Variants in FANCG observed in about 807,000 individuals in gnomAD.
The protein encoded by FANCG is FA complementation group G.
In FANCG, 67 loss-of-function variants were observed where a neutral mutation model predicts 73.3. The ratio of observed to expected loss-of-function variants is 0.91; its 90% CI spans 0.75 to 1.12. The LOEUF (loss-of-function observed/expected upper bound fraction) is 1.12, where lower values mean the gene tolerates loss of function less well. Among genes scored for constraint, FANCG ranks in the 50% most tolerant of loss-of-function variants. The pLI is 0.00. For synonymous variants in FANCG, 297 were observed against 311.6 expected, an observed-to-expected ratio of 0.95 and a Z score of 0.49; for missense variants, 643 against 735.6, an observed-to-expected ratio of 0.87 and a Z score of 1.46.
In FANCG at chr9:35,076,366, G is replaced by C. The variant is rs1829083284; in HGVS notation, c.1076+66C>G. The stretch of plus-strand genomic sequence containing the variant: ...CCCCCAAGTCACAAGAACAAAAGCA[G>C]AGTCACACCCCAGGGGAGGCATCAG... On this transcript the variant is annotated intron_variant, in intron 8 of 13. Coordinates refer to ENST00000378643, the MANE Select transcript of FANCG (RefSeq NM_004629.2). The C allele has an allele frequency of 5.0e-6, 8 of 1,588,408 alleles. No individual in the cohort carries two copies. The East Asian group carries it at 1.8e-4, about 35-fold the overall frequency.
At position 35,074,532 on chromosome 9, in the gene FANCG, G is replaced by T. The variant is rs770689315; in HGVS notation, c.1637-38C>A. 4.4e-6 allele frequency: 7 copies of T among 1,604,344 alleles called. No individual in the cohort carries two copies. In the Admixed American group the frequency reaches 5.0e-5, roughly 11 times the overall value. On this transcript the variant is annotated intron_variant, in intron 12 of 13. Transcript: ENST00000378643. ...CCCAGAGTACAGAGTCTTAGAACTT[G>T]ACATAGTCTTAGGCATTGTTTTATA...
In FANCG at chr9:35,076,627, C is replaced by T. The variant is rs17883759; in HGVS notation, c.925-44G>A. The T allele has an allele frequency of 8.5e-4, 1,369 of 1,614,074 alleles. 15 individuals are homozygous for T. The South Asian group carries it at 0.014, about 16-fold the overall frequency. ...AATTGTATCTATAATCTTTGGGAGC[C>T]ATACTTCCTTATACTTGGATCTTGA... On this transcript the variant is annotated intron_variant, in intron 7 of 13. Coordinates refer to ENST00000378643, the MANE Select transcript of FANCG (RefSeq NM_004629.2).
At chr9:35,075,200 G>A in intron 11 of FANCG, 79 bp downstream of exon 11, 5 of 1,600,040 alleles carry the variant, frequency 3.1e-6, no homozygotes, top group Non-Finnish European at 4.3e-6. Flanking sequence ...CTCCTGGTGG[G>A]CTGGGACACA....
rs1829075516 is a variant in FANCG, at chr9:35,075,962, C to G, written c.1143G>C (p.Arg381Ser). ...LALLLDSSEPRFSPPPSPPGP... is the reference protein window; with the variant it reads ...LALLLDSSEPSFSPPPSPPGP... ...CAGAGAAGCTTGAAGACACACCCAC[C>G]CTTGGCTCCGAGCTATCCAGCAACA... Residue 381 changes from arginine to serine, a missense_variant and splice_region_variant, in exon 9 of 14, where the codon AGG (arginine) becomes AGC (serine). Coordinates refer to ENST00000378643, the MANE Select transcript of FANCG (RefSeq NM_004629.2). 7 of 1,614,136 alleles carry G rather than the reference C, an allele frequency of 4.3e-6. No individual in the cohort carries two copies. The highest frequency in any genetic ancestry group is 5.1e-6 in the Non-Finnish European group (6 of 1,180,002).
chr9:35,076,637 T>A, intron 7 of FANCG, 54 bp from the exon 8 acceptor site: 2 of 1,614,068 alleles, frequency 1.2e-6, no homozygotes, highest in Non-Finnish European at 8.5e-7. Context: ...CATACTTCCT[T>A]ATACTTGGAT....
At chr9:35,076,370 C>A in intron 8 of FANCG, 62 bp downstream of exon 8, 2 of 1,597,696 alleles carry the variant, frequency 1.3e-6, no homozygotes, top group South Asian at 2.2e-5. Context: ...AAAGCAGAGT[C>A]ACACCCCAGG....
rs1829090039 is a variant in FANCG, at chr9:35,076,666, C to G, written c.924+58G>C. 6 of 1,613,696 alleles carry G rather than the reference C, an allele frequency of 3.7e-6. No homozygotes were observed. In the South Asian group the frequency reaches 6.6e-5, roughly 18 times the overall value. Reference sequence around the variant, plus strand: ...CTTGGATCTTGACTAGTCAAGTCACCCCATCACAAGCACCTCAGGAATCCT... The same window carrying G: ...CTTGGATCTTGACTAGTCAAGTCACGCCATCACAAGCACCTCAGGAATCCT... On this transcript the variant is annotated intron_variant, in intron 7 of 13. Transcript: ENST00000378643.
Position 35,073,992 on chromosome 9 carries a change from C to A in FANCG, c.*116G>T. The A allele has an allele frequency of 1.2e-6, 1 of 837,996 alleles. No individual in the cohort carries two copies. The highest frequency in any genetic ancestry group is 1.4e-5 in the South Asian group (1 of 72,848). The allele number at this position is 837,996 out of a possible 1,614,324, so 51.9% of individuals were successfully genotyped here. A position where few individuals can be genotyped will look rare whatever the true frequency, so the allele number is the denominator to read the frequency against. The stretch of plus-strand genomic sequence containing the variant: ...TTTCACAGGCCTACCACCAATCTCA[C>A]CAGTCCAGGAATTATATAGGAATGG... On this transcript the variant is annotated 3_prime_UTR_variant, in exon 14 of 14. Transcript: ENST00000378643.
Position 35,075,996 on chromosome 9 carries a change from A to T in FANCG, c.1109T>A (p.Leu370Gln). Reference protein sequence around the residue: ...AGDAAEHYLDLLALLLDSSEP... With the variant: ...AGDAAEHYLDQLALLLDSSEP... ...CGAGCTATCCAGCAACAGGGCCAGC[A>T]GGTCCAAGTAATGCTCTGCAGCGTC... is the stretch of plus-strand genomic sequence containing the variant. The change falls in exon 9 of 14, where the codon CTG becomes CAG. Residue 370 changes from leucine (L) to glutamine (Q), a missense_variant. By Grantham distance (113) the Leu-to-Gln change is moderately radical. Transcript: ENST00000378643. 6.2e-7 allele frequency: 1 copy of T among 1,614,154 alleles called. No individual in the cohort carries two copies. The highest frequency in any genetic ancestry group is 8.5e-7 in the Non-Finnish European group (1 of 1,180,038).
chr9:35,074,568 C>G (rs970722372), intron 12 of FANCG, 74 bp from the exon 13 acceptor site: 21 of 1,595,604 alleles, frequency 1.3e-5, no homozygotes, highest in Admixed American at 3.3e-5. Context: ...AAAAGGGAAA[C>G]TGAGGCCTAG....
rs1829041127 is a variant in FANCG, at chr9:35,074,416, C to T, written c.1715G>A (p.Trp572Ter). ...CCCCTTAGTTTGGGCCTCCAGCCTC[C>T]ACCAGAGTGCAGTGGCCTCATCCCT... is the stretch of plus-strand genomic sequence containing the variant. Reference protein sequence around the residue: ...DRRDEATALWWRLEAQTKGSH... With the variant: ...DRRDEATALW Residue 572 changes from tryptophan (W) to a stop codon, truncating the protein, a stop_gained, in exon 13 of 14, where the codon TGG (tryptophan) becomes TAG (stop). Coordinates refer to ENST00000378643, the MANE Select transcript of FANCG (RefSeq NM_004629.2). LOFTEE classifies it high-confidence loss of function. 2 of 1,614,198 alleles carry T rather than the reference C, an allele frequency of 1.2e-6. No homozygotes were observed. The highest frequency in any genetic ancestry group is 1.1e-5 in the South Asian group (1 of 91,092).
In FANCG at chr9:35,075,736, G is replaced by C. The variant is rs1356114266; in HGVS notation, c.1162C>G (p.Pro388Ala). Residue 388 changes from proline (P) to alanine (A), a missense_variant, in exon 10 of 14, where the codon CCT becomes GCT. Pro to Ala is a conservative substitution (Grantham distance 27, BLOSUM62 -1). Coordinates refer to ENST00000378643, the MANE Select transcript of FANCG (RefSeq NM_004629.2). ...ACCTCAGGCATACAGGGCCCTGGAG[G>C]GGAGGGGGGTGGGGAGAACTGGAGT... The part of the protein sequence containing the change: ...SEPRFSPPPS[P>A]PGPCMPEVFL... 2 of 621,852 alleles carry C rather than the reference G, an allele frequency of 3.2e-6. No homozygotes were observed. Among genetic ancestry groups the C allele is most frequent in the Non-Finnish European group, 5.8e-6 (2 of 347,312 alleles). 38.5% of individuals were successfully genotyped at this position (621,852 alleles called of 1,614,324 possible).
At chr9:35,078,913 A>G (rs1829133828) in intron 2 of FANCG, among the ~76,000 whole-genome samples, 177 bp from the exon 3 acceptor site, 1 of 152,258 alleles carries the variant, frequency 6.6e-6, no homozygotes, top group African/African-American at 2.4e-5. Flanking sequence ...GAGTCTGGAA[A>G]GGGCAAAAAA....
intron 2 of FANCG, 146 bp from the exon 3 acceptor site, chr9:35,078,882 A>G: frequency 8.2e-7 from 1 of 1,221,388 alleles, no homozygotes. Flanking sequence ...ATTTAAAAAA[A>G]GAACCCAACC....
In FANCG at chr9:35,079,734, G is replaced by C. The variant is rs1331603663; in HGVS notation, c.-210C>G. On this transcript the variant is annotated 5_prime_UTR_variant, in exon 1 of 14. Coordinates refer to ENST00000378643, the MANE Select transcript of FANCG (RefSeq NM_004629.2). ...CGCGGCCCGCCGGGCTCTCAACCTC[G>C]CCTCTGGTTGGCCGGGTCTGCGAAG... is the stretch of plus-strand genomic sequence containing the variant. 1 of 610,562 alleles carries C rather than the reference G, an allele frequency of 1.6e-6. No individual in the cohort carries two copies. Among genetic ancestry groups the C allele is most frequent in the African/African-American group, 1.8e-5 (1 of 54,236 alleles). 37.8% of individuals were successfully genotyped at this position (610,562 alleles called of 1,614,324 possible). A position where few individuals can be genotyped will look rare whatever the true frequency, so the allele number is the denominator to read the frequency against.
rs761607613 is a variant in FANCG, at chr9:35,076,596, GA to G, written c.925-14del. The G allele has an allele frequency of 6.2e-7, 1 of 1,613,990 alleles. No individual in the cohort carries two copies. Among genetic ancestry groups the G allele is most frequent in the Admixed American group, 1.7e-5 (1 of 60,002 alleles). On this transcript the variant is annotated splice_polypyrimidine_tract_variant and intron_variant, in intron 7 of 13. Coordinates refer to ENST00000378643, the MANE Select transcript of FANCG (RefSeq NM_004629.2). ...GGACATTCAAGGCCTAAAAGAGAAA[GA>G]AAAAAATTGTATCTATAATCTTTGG...
In FANCG at chr9:35,074,373, C is replaced by A. The variant is rs549578835; in HGVS notation, c.1758G>T (p.Leu586=). 8.7e-6 allele frequency: 14 copies of A among 1,614,218 alleles called. No individual in the cohort carries two copies. In the Admixed American group the frequency reaches 2.2e-4, roughly 25 times the overall value. Residue 586 remains leucine (L), a splice_region_variant and synonymous_variant, in exon 13 of 14, where the codon CTG becomes CTT. Transcript: ENST00000378643. Reference sequence around the variant, plus strand: ...AAGCCAGCAGGCCTGAGCCTCACCACAGAGCATCTTCATGTGACCCCTTAG... The same window carrying A: ...AAGCCAGCAGGCCTGAGCCTCACCAAAGAGCATCTTCATGTGACCCCTTAG... The part of the protein sequence containing the change: ...AQTKGSHEDA[L]WSLPLYLESY...
Position 35,073,894 on chromosome 9 carries a change from C to T in FANCG, c.*214G>A, listed in dbSNP as rs1319697289. ...AGGAGAAACAGGAAAAAAGGTGCCT[C>T]GAGCAAAGTCAATGACTTGGTGGTG... On this transcript the variant is annotated 3_prime_UTR_variant, in exon 14 of 14. Coordinates refer to ENST00000378643, the MANE Select transcript of FANCG (RefSeq NM_004629.2). The T allele has an allele frequency of 1.9e-5, 12 of 622,940 alleles. No individual in the cohort carries two copies. Among genetic ancestry groups the T allele is most frequent in the East Asian group, 8.3e-5 (3 of 35,952 alleles). 38.6% of individuals were successfully genotyped at this position (622,940 alleles called of 1,614,324 possible).
intron 4 of FANCG, among the ~76,000 whole-genome samples, chr9:35,077,700 G>C (rs17885008): frequency 1.3e-5 from 2 of 152,024 alleles, no homozygotes; most frequent in Admixed American, 6.5e-5. Flanking sequence ...CTAATAAGGA[G>C]ACTAAGGCTG....
Sources: allele counts gnomAD v4.1 joint callset (sites outside exome capture counted in the v4.1 genomes callset), GRCh38; gene constraint gnomAD v4.1.1; transcripts MANE v1.5; gene names NCBI Gene and HGNC (gene_info 2026-07-23, HGNC 2026-07-21).